DMD: variants seen among roughly 807,000 people sequenced by gnomAD.
The protein encoded by DMD is mutant dystrophin.
In DMD, 63 loss-of-function variants were observed where a neutral mutation model predicts 330.1. The observed-to-expected ratio is 0.19, with a 90% CI of 0.16 to 0.24. The LOEUF (loss-of-function observed/expected upper bound fraction) is 0.24, where lower values mean the gene tolerates loss of function less well. Among genes scored for constraint, DMD ranks in the 10% least tolerant of loss-of-function variants. The probability of loss-of-function intolerance (pLI) is 1.00; values close to 1 mark genes in which losing one functional copy is unlikely to be tolerated. For missense variants in DMD, 3,344 were observed against 2,684.1 expected (o/e 1.25, Z -5.43); for synonymous variants, 1,223 against 959.8 (o/e 1.27, Z -5.07).
intron 61 of DMD, among the ~76,000 whole-genome samples, chrX:31,329,267 C>T (rs766343918): frequency 8.9e-6 from 1 of 111,765 alleles, no homozygotes; most frequent in East Asian, 2.8e-4. Flanking sequence ...ATAGCAGATG[C>T]TATGAGAATG....
chrX:33,241,546 G>T (rs2052586776), intron 1 of DMD, among the ~76,000 whole-genome samples: 1 of 111,748 alleles, frequency 8.9e-6, no homozygotes, highest in African/African-American at 3.3e-5. Context: ...CTCTTTTGTG[G>T]TTCCAATTTC....
intron 2 of DMD, among the ~76,000 whole-genome samples, chrX:32,935,114 G>A (rs1181617562): frequency 8.9e-6 from 1 of 112,347 alleles, no homozygotes; most frequent in African/African-American, 3.2e-5. Flanking sequence ...GAGTAGCTGG[G>A]ACTACAGGCG....
chrX:31,777,128 G>A (rs1461095816), intron 50 of DMD, among the ~76,000 whole-genome samples: 1 of 111,857 alleles, frequency 8.9e-6, no homozygotes, highest in Non-Finnish European at 1.9e-5. Context: ...TGAACTTAGA[G>A]GTCTTCTACA....
rs903094919 is a variant in DMD at position 31,926,185 on chromosome X, T to A, written c.6912+3411A>T. Among the ~76,000 whole-genome samples the A allele has an allele frequency of 4.5e-5, 5 of 111,427 alleles. No homozygotes were observed. The Admixed American group carries it at 4.8e-4, about 11-fold the overall frequency. ...CCCCACTTTGTGGCTCTTACGGGTA[T>A]CATTGTTAAAGGCTGTAAAAGGTCA... On this transcript the variant is annotated intron_variant, in intron 47 of 78. Coordinates refer to ENST00000357033, the MANE Select transcript of DMD (RefSeq NM_004006.3).
At chrX:31,222,344 C>T (rs373105111) in intron 64 of DMD, among the ~76,000 whole-genome samples, 6 of 97,245 alleles carry the variant, frequency 6.2e-5, no homozygotes, top group South Asian at 5.2e-4. Context: ...GCCCATATTG[C>T]GCCACTCCAC....
At chrX:33,106,736 T>C (rs1276165495) in intron 1 of DMD, among the ~76,000 whole-genome samples, 1 of 111,977 alleles carries the variant, frequency 8.9e-6, no homozygotes, top group Non-Finnish European at 1.9e-5. Flanking sequence ...CCTATTCACT[T>C]CCAACAGAGA....
At chrX:32,733,219 T>C (rs1243957461) in intron 7 of DMD, among the ~76,000 whole-genome samples, 1 of 111,417 alleles carries the variant, frequency 9.0e-6, no homozygotes, top group Non-Finnish European at 1.9e-5. Flanking sequence ...CTAACTATCC[T>C]AAATATATAT....
At chrX:31,838,367 A>G (rs749911303) in intron 48 of DMD, among the ~76,000 whole-genome samples, 2 of 112,087 alleles carry the variant, frequency 1.8e-5, no homozygotes, top group East Asian at 5.6e-4. Flanking sequence ...AAGTAACTGA[A>G]TTTTCAACCT....
chrX:32,688,062 A>G (rs948313657), intron 9 of DMD, among the ~76,000 whole-genome samples: 10 of 112,273 alleles, frequency 8.9e-5, no homozygotes, highest in African/African-American at 3.2e-4. Flanking sequence ...TCTAGCCTAC[A>G]TGTGGAGATC....
At chrX:32,262,651 C>T (rs1049754199) in intron 43 of DMD, among the ~76,000 whole-genome samples, 1 of 110,358 alleles carries the variant, frequency 9.1e-6, no homozygotes, top group Non-Finnish European at 1.9e-5. Context: ...GGTGTGCCAC[C>T]GAGATTCACC....
intron 1 of DMD, among the ~76,000 whole-genome samples, chrX:33,205,850 T>C (rs905641857): frequency 3.6e-5 from 4 of 111,904 alleles, no homozygotes; most frequent in Non-Finnish European, 7.5e-5. Context: ...AGCAAGAGAC[T>C]TCGTGATATA....
intron 44 of DMD, among the ~76,000 whole-genome samples, chrX:32,041,199 A>C (rs1230834368): frequency 8.9e-6 from 1 of 112,158 alleles, no homozygotes; most frequent in East Asian, 2.8e-4. Flanking sequence ...AGCTCTTTGG[A>C]GCTTTAGAAC....
intron 55 of DMD, among the ~76,000 whole-genome samples, chrX:31,522,363 C>CTCTCTATATATATATA: frequency 2.2e-3 from 80 of 35,952 alleles, no homozygotes; most frequent in Non-Finnish European, 2.8e-3. Context: ...CTCTCTCTCT[C>CTCTCTATATATATATA]TATATATATA....
intron 44 of DMD, chrX:32,155,452 C>A: frequency 1.3e-6 from 1 of 754,023 alleles, no homozygotes; most frequent in Non-Finnish European, 1.6e-6. Context: ...CCGCACAAAG[C>A]TTTGCCATTG....
intron 44 of DMD, among the ~76,000 whole-genome samples, chrX:32,130,886 T>A (rs1381513846): frequency 8.9e-6 from 1 of 112,122 alleles, no homozygotes; most frequent in East Asian, 2.8e-4. Flanking sequence ...TATTTAAAAA[T>A]TGTTATTACT....
intron 50 of DMD, among the ~76,000 whole-genome samples, chrX:31,794,789 C>T (rs1248470863): frequency 9.1e-6 from 1 of 109,549 alleles, no homozygotes; most frequent in Non-Finnish European, 1.9e-5. Context: ...TAAAAAATGG[C>T]CAGAGGCTTC....
intron 17 of DMD, among the ~76,000 whole-genome samples, chrX:32,520,563 T>C (rs186307438): frequency 1.6e-3 from 183 of 111,735 alleles, no homozygotes; most frequent in African/African-American, 5.6e-3. Context: ...CCAGCTCCCT[T>C]GCCCCTCAGT....
At chrX:32,883,013 C>T (rs1334659761) in intron 2 of DMD, among the ~76,000 whole-genome samples, 1 of 111,954 alleles carries the variant, frequency 8.9e-6, no homozygotes, top group Non-Finnish European at 1.9e-5. Flanking sequence ...TGCAGTATGT[C>T]TTAATAGTAA....
chrX:32,572,486 A>T (rs2052534112), intron 15 of DMD, among the ~76,000 whole-genome samples: 1 of 110,647 alleles, frequency 9.0e-6, no homozygotes, highest in African/African-American at 3.3e-5. Flanking sequence ...AATTAAACTC[A>T]TAGTATCAGA....
Sources: gnomAD v4.1 joint callset for allele counts (sites outside exome capture counted in the v4.1 genomes callset) on GRCh38, gnomAD v4.1.1 for gene constraint, MANE v1.5 for transcripts, NCBI Gene and HGNC (gene_info 2026-07-23, HGNC 2026-07-21) for gene names.